The following SYNJ2 variants were observed in gnomAD, a reference collection of about 807,000 sequenced individuals.
SYNJ2 encodes synaptojanin 2.
A neutral mutation model predicts 141.3 loss-of-function variants in SYNJ2; 116 were observed. The observed-to-expected ratio is 0.82, with a 90% CI of 0.71 to 0.96. SYNJ2 has a LOEUF of 0.96. Ranked by LOEUF, SYNJ2 falls within the 40% of genes least tolerant of loss-of-function variation. The pLI is 0.00. For missense variants in SYNJ2, 1,873 were observed against 1,934.8 expected, an observed-to-expected ratio of 0.97 and a Z score of 0.60; for synonymous variants, 745 against 777.7, an observed-to-expected ratio of 0.96 and a Z score of 0.70.
At position 158,095,071 on chromosome 6, in the gene SYNJ2, C is replaced by T. The variant is rs1274689812; in HGVS notation, c.3745-547C>T. Among the ~76,000 whole-genome samples the T allele has an allele frequency of 2.0e-5, 3 of 152,100 alleles. No individual in the cohort carries two copies. In the East Asian group the frequency reaches 5.8e-4, roughly 29 times the overall value. On this transcript the variant is annotated intron_variant, in intron 26 of 26. Coordinates refer to ENST00000355585, the MANE Select transcript of SYNJ2 (RefSeq NM_003898.4). The stretch of plus-strand genomic sequence containing the variant: ...GGCTGAAGCAGGAGAATCGCTTGAA[C>T]CTGGGAGGCGGAGGTTACAGTGAGC...
chr6:158,041,995 G>A (rs1408005811), intron 4 of SYNJ2, among the ~76,000 whole-genome samples: 2 of 152,142 alleles, frequency 1.3e-5, no homozygotes, highest in Non-Finnish European at 2.9e-5. Flanking sequence ...GACCGTAGGC[G>A]TGAGTCACTG....
chr6:158,069,789 C>T (rs1781801616), intron 14 of SYNJ2, 116 bp downstream of exon 14: 1 of 1,275,982 alleles, frequency 7.8e-7, no homozygotes, highest in Admixed American at 2.8e-5. Context: ...TCGGGACTTA[C>T]CATTATTTTA....
rs528949660 is a variant in SYNJ2 at position 158,074,500 on chromosome 6, C to G, written c.2134-80C>G. 1.0e-4 allele frequency: 145 copies of G among 1,455,254 alleles called. 1 individual carries two copies. Among genetic ancestry groups the G allele is most frequent in the Non-Finnish European group, 8.4e-6 (9 of 1,070,264 alleles). The allele number at this position is 1,455,254 out of a possible 1,614,324, so 90.1% of individuals were successfully genotyped here. A position where few individuals can be genotyped will look rare whatever the true frequency, so the allele number is the denominator to read the frequency against. ...TTTTGAGAAAAATACTCCTGCTTGC[C>G]CCAGTGAGCTTGTTTTTCTCCTCTC... On this transcript the variant is annotated intron_variant, in intron 15 of 26. Transcript: ENST00000355585.
chr6:158,064,130 C>T (rs74797309), intron 9 of SYNJ2, among the ~76,000 whole-genome samples: 38 of 152,198 alleles, frequency 2.5e-4, no homozygotes, highest in Non-Finnish European at 1.8e-4. Flanking sequence ...AAAGGCTCCT[C>T]GGGAACAGCG....
At chr6:158,009,092 C>T (rs1322650453) in intron 1 of SYNJ2, among the ~76,000 whole-genome samples, 2 of 152,242 alleles carry the variant, frequency 1.3e-5, no homozygotes, top group African/African-American at 4.8e-5. Flanking sequence ...CCCTGGCTTC[C>T]TTCAGGTCCG....
At chr6:158,019,897 A>C (rs147236559) in intron 2 of SYNJ2, among the ~76,000 whole-genome samples, 1 of 152,342 alleles carries the variant, frequency 6.6e-6, no homozygotes, top group African/African-American at 2.4e-5. Flanking sequence ...TGGTTATCTT[A>C]AGGGGCGTTT....
intron 7 of SYNJ2, 78 bp downstream of exon 7, chr6:158,059,431 C>T (rs759633995): frequency 1.3e-4 from 193 of 1,533,194 alleles, no homozygotes; most frequent in Non-Finnish European, 1.6e-4. Context: ...GGAGGTGGCT[C>T]CTGCAGGGAC....
intron 20 of SYNJ2, among the ~76,000 whole-genome samples, chr6:158,082,344 A>G (rs1314207944): frequency 6.6e-6 from 1 of 152,026 alleles, no homozygotes; most frequent in African/African-American, 2.4e-5. Context: ...AAAATTAGCC[A>G]GGCATAGTGG....
At chr6:158,020,180 C>A in intron 2 of SYNJ2, among the ~76,000 whole-genome samples, 1 of 148,402 alleles carries the variant, frequency 6.7e-6, no homozygotes, top group South Asian at 2.1e-4. Flanking sequence ...AATTGTGTGA[C>A]CCCCACCTGT....
chr6:158,078,553 G>T, intron 18 of SYNJ2: 2 of 252,124 alleles, frequency 7.9e-6, no homozygotes, highest in Non-Finnish European at 1.5e-5. Flanking sequence ...CGTATTTTGC[G>T]GCTTTTATAT....
At chr6:158,051,148 C>T (rs1179966218) in intron 5 of SYNJ2, among the ~76,000 whole-genome samples, 2 of 152,140 alleles carry the variant, frequency 1.3e-5, no homozygotes, top group Non-Finnish European at 2.9e-5. Context: ...GAACTTGTCA[C>T]GACGGAGAGC....
rs1415667008 is a variant in SYNJ2, at chr6:158,033,294, T to C, written c.486-161T>C. On this transcript the variant is annotated intron_variant, in intron 3 of 26. Coordinates refer to ENST00000355585, the MANE Select transcript of SYNJ2 (RefSeq NM_003898.4). ...TTGAAGCACATGAACTTCCCAGATC[T>C]GTACAGCCCAAGTGCAGAGTCCACT... Among the ~76,000 whole-genome samples, 3 of 152,246 alleles carry C rather than the reference T, an allele frequency of 2.0e-5. 1 individual carries two copies. In the East Asian group the frequency reaches 5.8e-4, roughly 29 times the overall value.
In SYNJ2 at chr6:158,095,608, C is replaced by T; in HGVS notation, c.3745-10C>T. On this transcript the variant is annotated splice_polypyrimidine_tract_variant and intron_variant, in intron 26 of 26. Coordinates refer to ENST00000355585, the MANE Select transcript of SYNJ2 (RefSeq NM_003898.4). ...TTCTTATTTACACTCTTTGTCCCACCTTTTCTCAGCCCCTGTCACCGGAAG... is the reference window on the plus strand; with the variant it reads ...TTCTTATTTACACTCTTTGTCCCACTTTTTCTCAGCCCCTGTCACCGGAAG... 6.3e-7 allele frequency: 1 copy of T among 1,579,324 alleles called. No homozygotes were observed. Among genetic ancestry groups the T allele is most frequent in the Non-Finnish European group, 8.6e-7 (1 of 1,165,136 alleles).
chr6:157,986,236 G>T (rs1314673544), intron 1 of SYNJ2, among the ~76,000 whole-genome samples: 4 of 152,260 alleles, frequency 2.6e-5, no homozygotes, highest in African/African-American at 9.6e-5. Flanking sequence ...GGACCACAGT[G>T]GTCTGTCTGC....
At chr6:158,018,904 G>T (rs11968674) in intron 2 of SYNJ2, among the ~76,000 whole-genome samples, 2 of 152,212 alleles carry the variant, frequency 1.3e-5, no homozygotes, top group African/African-American at 4.8e-5. Context: ...GCTCTGCAGC[G>T]ATCTTCCTGA....
intron 6 of SYNJ2, among the ~76,000 whole-genome samples, 187 bp from the exon 7 acceptor site, chr6:158,059,070 C>T (rs891119174): frequency 6.6e-6 from 1 of 152,252 alleles, no homozygotes; most frequent in African/African-American, 2.4e-5. Flanking sequence ...GTAATGGCAG[C>T]TGGGAGGTGC....
chr6:157,983,074 C>G (rs773981062), intron 1 of SYNJ2, among the ~76,000 whole-genome samples: 6 of 152,212 alleles, frequency 3.9e-5, no homozygotes, highest in African/African-American at 7.2e-5. Context: ...AAACAAGGTG[C>G]AGCCCGGGGT....
At chr6:157,988,726 G>C (rs1230031364) in intron 1 of SYNJ2, among the ~76,000 whole-genome samples, 2 of 152,180 alleles carry the variant, frequency 1.3e-5, no homozygotes, top group African/African-American at 4.8e-5. Context: ...GCTCAGACTT[G>C]GGAATTTGAT....
chr6:157,990,268 A>T (rs939056391), intron 1 of SYNJ2, among the ~76,000 whole-genome samples: 5 of 152,126 alleles, frequency 3.3e-5, no homozygotes, highest in African/African-American at 1.2e-4. Context: ...TTTTGAGGAC[A>T]TGGGGCTCTC....
Sources: allele counts gnomAD v4.1 joint callset (sites outside exome capture counted in the v4.1 genomes callset), GRCh38; gene constraint gnomAD v4.1.1; transcripts MANE v1.5; gene names NCBI Gene and HGNC (gene_info 2026-07-23, HGNC 2026-07-21).